LRP1B: variants seen among roughly 807,000 people sequenced by gnomAD.
LRP1B encodes LDL receptor related protein 1B, also known as low-density lipoprotein receptor-related protein 1B.
Under a neutral mutation model 556.6 loss-of-function variants are expected in LRP1B, and 217 were observed. The ratio of observed to expected loss-of-function variants is 0.39; its 90% CI spans 0.35 to 0.44. The LOEUF is 0.44. LRP1B is among the 20% of genes least tolerant of loss of function. The pLI is 1.00. For missense variants in LRP1B, 5,053 were observed against 5,620.8 expected (o/e 0.90, Z 3.23); for synonymous variants, 2,047 against 1,865.8 (o/e 1.10, Z -2.50).
intron 3 of LRP1B, among the ~76,000 whole-genome samples, chr2:141,309,762 C>T (rs11902540): frequency 0.018 from 2,690 of 151,908 alleles, 94 homozygotes; most frequent in African/African-American, 0.062. Context: ...TCAATAGGTG[C>T]GGCAAACCAC....
At chr2:140,356,699 T>A (rs892011564) in intron 74 of LRP1B, among the ~76,000 whole-genome samples, 1 of 151,772 alleles carries the variant, frequency 6.6e-6, no homozygotes, top group African/African-American at 2.4e-5. Context: ...ACCAAGCTGC[T>A]AACAGTTGAT....
chr2:141,481,287 A>T (rs945087716), intron 2 of LRP1B, among the ~76,000 whole-genome samples: 1 of 152,148 alleles, frequency 6.6e-6, no homozygotes, highest in Non-Finnish European at 1.5e-5. Context: ...TCCAAATTGC[A>T]TGTTATTTTA....
At chr2:140,264,784 G>C (rs1682123999) in intron 86 of LRP1B, among the ~76,000 whole-genome samples, 1 of 150,994 alleles carries the variant, frequency 6.6e-6, no homozygotes, top group Admixed American at 6.6e-5. Context: ...AGTTTGAGAT[G>C]TTAAGTCCAA....
intron 41 of LRP1B, among the ~76,000 whole-genome samples, chr2:140,686,268 T>G (rs765929959): frequency 1.3e-5 from 2 of 152,072 alleles, no homozygotes; most frequent in African/African-American, 4.8e-5. Context: ...CAATTTGAGA[T>G]GCAGAAAATA....
chr2:141,878,445 G>A (rs977230318), intron 1 of LRP1B, among the ~76,000 whole-genome samples: 1 of 151,332 alleles, frequency 6.6e-6, no homozygotes, highest in Non-Finnish European at 1.5e-5. Flanking sequence ...AAAAAAAAAA[G>A]TGTATAGGAC....
At chr2:140,337,464 G>A (rs1472957815) in intron 77 of LRP1B, among the ~76,000 whole-genome samples, 1 of 151,700 alleles carries the variant, frequency 6.6e-6, no homozygotes, top group Non-Finnish European at 1.5e-5. Flanking sequence ...ATTTTCAAAT[G>A]CTCCAGTATC....
rs549766027 is a variant in LRP1B, at chr2:141,304,888, C to G, written c.344-50247G>C. 1.9e-4 allele frequency among the ~76,000 whole-genome samples: 29 copies of G among 152,172 alleles called. 1 individual carries two copies. The East Asian group carries it at 5.6e-3, about 29-fold the overall frequency. On this transcript the variant is annotated intron_variant, in intron 3 of 90. Transcript: ENST00000389484. ...CTTTCCTTGATGTTTCTTCTTAGCA[C>G]CTTTGTCAAAAATCAGTTAGCTGTA... is the stretch of plus-strand genomic sequence containing the variant.
chr2:140,397,984 ATTCT>A lies in LRP1B; in HGVS notation c.10415-11979_10415-11976del, dbSNP rs201462810. On this transcript the variant is annotated intron_variant, in intron 66 of 90. Coordinates refer to ENST00000389484, the MANE Select transcript of LRP1B (RefSeq NM_018557.3). ...TGTTATTTACTTAGCAAAGATAAAT[ATTCT>A]TTCTGATTGACATCCTTGAAACTTT... Among the ~76,000 whole-genome samples the A allele has an allele frequency of 6.3e-3, 961 of 152,270 alleles. 10 individuals carry two copies. Among genetic ancestry groups the A allele is most frequent in the African/African-American group, 0.022 (920 of 41,572 alleles).
At chr2:141,339,305 A>AAAAAG (rs565502343) in intron 3 of LRP1B, among the ~76,000 whole-genome samples, 82,293 of 149,836 alleles carry the variant, frequency 0.55, 23,326 homozygotes, top group African/African-American at 0.61. Context: ...TAACGCAAAA[A>AAAAAG]AAAAAAAAAG....
chr2:140,449,971 C>T (rs549731971), intron 63 of LRP1B, among the ~76,000 whole-genome samples: 1 of 152,234 alleles, frequency 6.6e-6, no homozygotes, highest in East Asian at 1.9e-4. Context: ...ACCAAAGTTA[C>T]CAACGATTGC....
chr2:141,232,106 T>C (rs1333809347), intron 5 of LRP1B, among the ~76,000 whole-genome samples: 5 of 152,198 alleles, frequency 3.3e-5, no homozygotes, highest in Non-Finnish European at 5.9e-5. Context: ...GTTTCTCTCC[T>C]AACCTCTTAA....
intron 1 of LRP1B, among the ~76,000 whole-genome samples, chr2:141,812,969 G>A (rs1411692895): frequency 6.6e-6 from 1 of 152,208 alleles, no homozygotes; most frequent in Non-Finnish European, 1.5e-5. Context: ...GTGTACATGT[G>A]TCTGTGAGCC....
At chr2:140,626,248 C>T (rs1020097140) in intron 41 of LRP1B, among the ~76,000 whole-genome samples, 1 of 152,092 alleles carries the variant, frequency 6.6e-6, no homozygotes, top group African/African-American at 2.4e-5. Context: ...AGCACAGATA[C>T]ATTTTAGGGC....
chr2:141,308,119 T>A (rs916357008), intron 3 of LRP1B, among the ~76,000 whole-genome samples: 4 of 152,136 alleles, frequency 2.6e-5, no homozygotes, highest in Admixed American at 2.6e-4. Flanking sequence ...CATGGCATGT[T>A]CAGGCACTGG....
intron 2 of LRP1B, among the ~76,000 whole-genome samples, chr2:141,647,805 T>G (rs979807555): frequency 2.6e-5 from 4 of 151,872 alleles, no homozygotes; most frequent in African/African-American, 9.7e-5. Flanking sequence ...GGAAAAAGTT[T>G]GAATTCTGCA....
intron 84 of LRP1B, among the ~76,000 whole-genome samples, chr2:140,285,569 A>G (rs1311037767): frequency 6.6e-6 from 1 of 151,674 alleles, no homozygotes; most frequent in Non-Finnish European, 1.5e-5. Flanking sequence ...TAACTGTGCC[A>G]TTTCTTTAGG....
chr2:142,102,410 A>T, intron 1 of LRP1B, among the ~76,000 whole-genome samples: 1 of 151,886 alleles, frequency 6.6e-6, no homozygotes, highest in East Asian at 1.9e-4. Flanking sequence ...AAGATCTGGC[A>T]GCCATTCCTT....
intron 1 of LRP1B, among the ~76,000 whole-genome samples, chr2:141,988,669 T>C (rs1702264652): frequency 6.6e-6 from 1 of 152,098 alleles, no homozygotes; most frequent in African/African-American, 2.4e-5. Context: ...AAAACACTCA[T>C]CTTCCATAGA....
chr2:140,720,621 T>C (rs1687367969), intron 35 of LRP1B, among the ~76,000 whole-genome samples: 2 of 151,984 alleles, frequency 1.3e-5, no homozygotes, highest in Admixed American at 6.6e-5. Flanking sequence ...TCATGCAGGG[T>C]TCTGTCTGAT....
Sources: gnomAD v4.1 joint callset for allele counts (sites outside exome capture counted in the v4.1 genomes callset) on GRCh38, gnomAD v4.1.1 for gene constraint, MANE v1.5 for transcripts, NCBI Gene and HGNC (gene_info 2026-07-23, HGNC 2026-07-21) for gene names.